SEMA3A: variants seen among roughly 807,000 people sequenced by gnomAD.
The protein encoded by SEMA3A is semaphorin-3A.
In SEMA3A, 29 loss-of-function variants were observed where a neutral mutation model predicts 97.9. The observed-to-expected ratio is 0.30, with a 90% CI of 0.22 to 0.40. The LOEUF is 0.40. SEMA3A is among the 10% of genes least tolerant of loss of function. The pLI is 1.00. For missense variants in SEMA3A, 763 were observed against 951.3 expected, an observed-to-expected ratio of 0.80 and a Z score of 2.60; for synonymous variants, 321 against 323.7, an observed-to-expected ratio of 0.99 and a Z score of 0.09.
chr7:84,123,431 T>C (rs187809998), intron 3 of SEMA3A, among the ~76,000 whole-genome samples: 30 of 152,148 alleles, frequency 2.0e-4, no homozygotes, highest in African/African-American at 6.7e-4. Context: ...TCATAAGCAT[T>C]TCACTACTCT....
intron 5 of SEMA3A, among the ~76,000 whole-genome samples, chr7:84,054,198 T>C (rs1792831741): frequency 5.3e-5 from 8 of 152,284 alleles, no homozygotes; most frequent in Admixed American, 5.2e-4. Flanking sequence ...GTCTTGGAGT[T>C]GCTCTTCTCG....
At chr7:84,305,528 T>G (rs1801133376) in intron 3 of SEMA3A, among the ~76,000 whole-genome samples, 1 of 152,058 alleles carries the variant, frequency 6.6e-6, no homozygotes, top group Admixed American at 6.6e-5. Flanking sequence ...GTCAATTGCA[T>G]TCAGTGATTT....
At chr7:84,281,974 AT>A (rs1800449559) in intron 3 of SEMA3A, among the ~76,000 whole-genome samples, 1 of 152,154 alleles carries the variant, frequency 6.6e-6, no homozygotes, top group Non-Finnish European at 1.5e-5. Context: ...AGAAATTGCC[AT>A]TTATCTGCTA....
intron 3 of SEMA3A, among the ~76,000 whole-genome samples, chr7:84,253,372 A>AG (rs1206212715): frequency 6.6e-6 from 1 of 152,152 alleles, no homozygotes; most frequent in Non-Finnish European, 1.5e-5. Context: ...TCCAAAAAAA[A>AG]AAAAATTGTG....
intron 1 of SEMA3A, among the ~76,000 whole-genome samples, chr7:84,430,811 G>GTT (rs1157077283): frequency 7.3e-6 from 1 of 137,184 alleles, no homozygotes; most frequent in Non-Finnish European, 1.6e-5. Flanking sequence ...GTGTGTGTGT[G>GTT]TGTGTGTGTG....
At chr7:83,991,256 C>A (rs567546156) in intron 12 of SEMA3A, among the ~76,000 whole-genome samples, 4 of 152,034 alleles carry the variant, frequency 2.6e-5, no homozygotes, top group Non-Finnish European at 5.9e-5. Flanking sequence ...ACGATCATGT[C>A]GTCTGCAAAC....
intron 1 of SEMA3A, among the ~76,000 whole-genome samples, chr7:84,399,951 T>A (rs1244228161): frequency 2.0e-5 from 3 of 152,122 alleles, no homozygotes; most frequent in Non-Finnish European, 4.4e-5. Context: ...TCTACTAGAA[T>A]AAAGAGAAGG....
At chr7:84,426,807 CTA>C (rs1804840328) in intron 1 of SEMA3A, among the ~76,000 whole-genome samples, 2 of 152,052 alleles carry the variant, frequency 1.3e-5, no homozygotes, top group Non-Finnish European at 1.5e-5. Context: ...AGCTTTATTT[CTA>C]TGTTTCATAA....
At position 84,010,218 on chromosome 7, in the gene SEMA3A, C is replaced by G. The variant is rs188281742; in HGVS notation, c.995+804G>C. 3.1e-3 allele frequency among the ~76,000 whole-genome samples: 472 copies of G among 152,170 alleles called. 2 individuals carry two copies. The highest frequency in any genetic ancestry group is 0.011 in the African/African-American group (437 of 41,536). ...TTAAAAAGCTTTAAAACTATTTACACTATGTAAAGTGTCTTCAATTGTTAT... is the reference window on the plus strand; with the variant it reads ...TTAAAAAGCTTTAAAACTATTTACAGTATGTAAAGTGTCTTCAATTGTTAT... On this transcript the variant is annotated intron_variant, in intron 9 of 16. Transcript: ENST00000265362.
intron 2 of SEMA3A, among the ~76,000 whole-genome samples, chr7:84,134,520 T>C (rs1796063284): frequency 6.6e-6 from 1 of 152,208 alleles, no homozygotes. Context: ...GGTTCAAGTA[T>C]TTACTTTTAT....
At chr7:84,037,476 T>G (rs1269383856) in intron 6 of SEMA3A, among the ~76,000 whole-genome samples, 1 of 152,234 alleles carries the variant, frequency 6.6e-6, no homozygotes, top group Non-Finnish European at 1.5e-5. Context: ...TACAGATGCA[T>G]GCCACCATAC....
chr7:84,315,143 T>C (rs1584232400), intron 2 of SEMA3A, among the ~76,000 whole-genome samples: 1 of 151,932 alleles, frequency 6.6e-6, no homozygotes, highest in Non-Finnish European at 1.5e-5. Context: ...AGATTAAACA[T>C]TGTATCAAGT....
chr7:84,441,351 CTG>C lies in SEMA3A; in HGVS notation c.-246+51107_-246+51108del, dbSNP rs1805269244. ...GGAAACATCAATAAAGAGATAGAAA[CTG>C]TAAAACAAAACCAAAAAGAAATTCT... is the stretch of plus-strand genomic sequence containing the variant. On this transcript the variant is annotated intron_variant, in intron 1 of 3. Coordinates refer to the SEMA3A transcript ENST00000424555. Among the ~76,000 whole-genome samples, 3 of 151,406 alleles carry C rather than the reference CTG, an allele frequency of 2.0e-5. No homozygotes were observed. In the South Asian group the frequency reaches 6.2e-4, roughly 31 times the overall value.
At chr7:83,996,125 G>A (rs949993582) in intron 12 of SEMA3A, among the ~76,000 whole-genome samples, 2 of 152,060 alleles carry the variant, frequency 1.3e-5, no homozygotes, top group African/African-American at 4.8e-5. Context: ...ATCTTTGATT[G>A]TACTGGAAAG....
chr7:84,077,714 A>G (rs1010665342), intron 4 of SEMA3A, among the ~76,000 whole-genome samples: 22 of 152,198 alleles, frequency 1.4e-4, no homozygotes, highest in African/African-American at 4.8e-4. Context: ...GAAAGAGACA[A>G]TTCTGTCAAT....
intron 1 of SEMA3A, among the ~76,000 whole-genome samples, chr7:84,386,077 T>C (rs953222051): frequency 8.5e-5 from 13 of 152,200 alleles, no homozygotes; most frequent in African/African-American, 2.9e-4. Flanking sequence ...TTTTCCAAAG[T>C]CACTAATATC....
intron 3 of SEMA3A, among the ~76,000 whole-genome samples, chr7:84,212,322 A>G (rs1225955702): frequency 6.6e-6 from 1 of 152,252 alleles, no homozygotes; most frequent in Non-Finnish European, 1.5e-5. Context: ...AAAACTATTT[A>G]GAACACACAG....
At chr7:84,253,771 G>A (rs963714192) in intron 3 of SEMA3A, among the ~76,000 whole-genome samples, 27 of 152,110 alleles carry the variant, frequency 1.8e-4, no homozygotes, top group Admixed American at 1.4e-3. Context: ...CAGAGAGGAA[G>A]TTGACACAAC....
At chr7:84,006,326 T>TAACA (rs1353066825) in intron 10 of SEMA3A, among the ~76,000 whole-genome samples, 5 of 152,096 alleles carry the variant, frequency 3.3e-5, no homozygotes, top group Non-Finnish European at 7.4e-5. Context: ...GTTTTGTTTC[T>TAACA]AACATAATGC....
Sources: allele counts gnomAD v4.1 joint callset (sites outside exome capture counted in the v4.1 genomes callset), GRCh38; gene constraint gnomAD v4.1.1; transcripts MANE v1.5; gene names NCBI Gene and HGNC (gene_info 2026-07-23, HGNC 2026-07-21).